The following CERK variants were observed in gnomAD, a reference collection of about 807,000 sequenced individuals.
The protein encoded by CERK is ceramide kinase.
CERK carries 39 observed loss-of-function variants against 63.4 expected under a neutral mutation model. The observed-to-expected ratio is 0.61, with a 90% CI of 0.48 to 0.80. The LOEUF is 0.80. Among genes scored for constraint, CERK ranks in the 30% least tolerant of loss-of-function variants. The pLI, the probability that CERK is intolerant of heterozygous loss-of-function variation, is 0.00. For synonymous variants in CERK, 302 were observed against 280.0 expected (o/e 1.08, Z -0.78); for missense variants, 670 against 714.1 (o/e 0.94, Z 0.70).
At position 46,699,387 on chromosome 22, in the gene CERK, T is replaced by C; in HGVS notation, c.869A>G (p.Tyr290Cys). The change falls in exon 8 of 13, where the codon TAC (tyrosine) becomes TGC (cysteine). Residue 290 changes from tyrosine to cysteine, a missense_variant. Coordinates refer to ENST00000216264, the MANE Select transcript of CERK (RefSeq NM_022766.6). ...LLRYSVSLLGYGFYGDIIKDS... is the reference protein window; with the variant it reads ...LLRYSVSLLGCGFYGDIIKDS... ...CTTGATGATGTCCCCGTAGAAGCCG[T>C]AGCCCAGCAGGGACACGGAGTAGCG... 6.2e-7 allele frequency: 1 copy of C among 1,614,090 alleles called. No individual in the cohort carries two copies. The highest frequency in any genetic ancestry group is 8.5e-7 in the Non-Finnish European group (1 of 1,179,944).
At chr22:46,732,902 TAAAATGTTCAA>T (rs1372028203) in intron 1 of CERK, among the ~76,000 whole-genome samples, 1 of 152,124 alleles carries the variant, frequency 6.6e-6, no homozygotes, top group Non-Finnish European at 1.5e-5. Context: ...TATGTAAGTT[TAAAATGTTCAA>T]AAAATGTTAA....
At position 46,687,038 on chromosome 22, in the gene CERK, T is replaced by C; in HGVS notation, c.*96A>G. On this transcript the variant is annotated 3_prime_UTR_variant, in exon 13 of 13. Transcript: ENST00000216264. ...AAGATTTAACTATCAAAAATAAATT[T>C]CTACATTTAAATGTATATATCAACA... The C allele has an allele frequency of 2.1e-6, 2 of 973,966 alleles. No homozygotes were observed. Among genetic ancestry groups the C allele is most frequent in the Admixed American group, 4.8e-5 (2 of 41,402 alleles). The allele number at this position is 973,966 out of a possible 1,614,324, so 60.3% of individuals were successfully genotyped here.
chr22:46,721,798 CA>C (rs2082894067), intron 1 of CERK, among the ~76,000 whole-genome samples: 1 of 152,146 alleles, frequency 6.6e-6, no homozygotes, highest in African/African-American at 2.4e-5. Flanking sequence ...GGGGAGGAGA[CA>C]GGGGAGACTT....
intron 8 of CERK, among the ~76,000 whole-genome samples, chr22:46,698,417 G>C (rs1240784859): frequency 1.3e-5 from 2 of 152,236 alleles, no homozygotes; most frequent in African/African-American, 2.4e-5. Context: ...CGTGCTGAGT[G>C]TATCTCACTT....
chr22:46,723,701 G>A (rs1427468688), intron 1 of CERK, among the ~76,000 whole-genome samples: 3 of 151,108 alleles, frequency 2.0e-5, no homozygotes, highest in South Asian at 2.1e-4. Context: ...CTAATGTGGG[G>A]TTTTCTTCTT....
intron 9 of CERK, among the ~76,000 whole-genome samples, chr22:46,694,517 C>T (rs1285868277): frequency 6.6e-6 from 1 of 152,064 alleles, no homozygotes; most frequent in African/African-American, 2.4e-5. Context: ...CACTCAGCCT[C>T]CCCTCCCCGG....
intron 6 of CERK, among the ~76,000 whole-genome samples, chr22:46,706,930 T>A (rs1215409849): frequency 6.6e-6 from 1 of 152,080 alleles, no homozygotes; most frequent in Non-Finnish European, 1.5e-5. Flanking sequence ...TGGCCCACAA[T>A]GTCACCTGTC....
intron 8 of CERK, among the ~76,000 whole-genome samples, chr22:46,698,064 C>A (rs1361927100): frequency 1.3e-5 from 2 of 152,194 alleles, no homozygotes; most frequent in Admixed American, 1.3e-4. Context: ...CTGGGGGGTC[C>A]CCGCAGCCTG....
chr22:46,725,058 G>T (rs898784130), intron 1 of CERK, among the ~76,000 whole-genome samples: 1 of 152,128 alleles, frequency 6.6e-6, no homozygotes, highest in African/African-American at 2.4e-5. Flanking sequence ...GCTCAAGATG[G>T]AGGCTCTGCC....
intron 6 of CERK, among the ~76,000 whole-genome samples, chr22:46,702,984 G>A (rs963081263): frequency 6.6e-6 from 1 of 152,140 alleles, no homozygotes; most frequent in Non-Finnish European, 1.5e-5. Context: ...TCCCGTTCAC[G>A]CGAGAAGGAC....
chr22:46,693,488 C>T lies in CERK; in HGVS notation c.1065G>A (p.Arg355=). 1 of 1,614,064 alleles carries T rather than the reference C, an allele frequency of 6.2e-7. No homozygotes were observed. ...KPCRAGCFVC[R]QSKQQLEEEQ... ...CCTCCTCCAGCTGCTGCTTGCTTTG[C>T]CTGCAAACAAAGCATCTGAAAGACA... is the stretch of plus-strand genomic sequence containing the variant. Residue 355 remains arginine, a synonymous_variant, in exon 10 of 13, where the codon AGG becomes AGA. Coordinates refer to ENST00000216264, the MANE Select transcript of CERK (RefSeq NM_022766.6).
chr22:46,692,904 C>CAAAAA (rs34255348), intron 10 of CERK, among the ~76,000 whole-genome samples: 13 of 92,830 alleles, frequency 1.4e-4, no homozygotes, highest in Non-Finnish European at 2.5e-4. Flanking sequence ...AAACTCCATC[C>CAAAAA]AAAAAAAAAA....
rs756780925 is a variant in CERK, at chr22:46,712,309, A to T, written c.380-16T>A. 7 of 1,610,768 alleles carry T rather than the reference A, an allele frequency of 4.3e-6. No individual in the cohort carries two copies. Among genetic ancestry groups the T allele is most frequent in the Non-Finnish European group, 5.9e-6 (7 of 1,178,504 alleles). Reference sequence around the variant, plus strand: ...GGTCTGGACGCTGTAAGACAACAACATGTAAATAACAACGAAAATAACAAA... The same window carrying T: ...GGTCTGGACGCTGTAAGACAACAACTTGTAAATAACAACGAAAATAACAAA... On this transcript the variant is annotated splice_polypyrimidine_tract_variant and intron_variant, in intron 3 of 12. Transcript: ENST00000216264.
At chr22:46,701,608 CGT>C (rs1413262645) in intron 7 of CERK, 26 bp downstream of exon 7, 3 of 1,544,420 alleles carry the variant, frequency 1.9e-6, no homozygotes, top group Non-Finnish European at 2.6e-6. Flanking sequence ...CGGCTGCCAC[CGT>C]GCGCATGCGC....
intron 10 of CERK, among the ~76,000 whole-genome samples, chr22:46,692,426 TAAA>T (rs553286743): frequency 0.024 from 2,262 of 93,058 alleles, 44 homozygotes; most frequent in African/African-American, 0.053. Flanking sequence ...AACTCTGTCT[TAAA>T]AAAAAAAAAA....
rs761073590 is a variant in CERK, at chr22:46,727,215, C to T, written c.143-6200G>A. On this transcript the variant is annotated intron_variant, in intron 1 of 12. Coordinates refer to ENST00000216264, the MANE Select transcript of CERK (RefSeq NM_022766.6). ...GGTACCTGCCAATCATAACTTACTG[C>T]TATTTCATGCCATAAAATGTGACCT... 1.6e-4 allele frequency among the ~76,000 whole-genome samples: 24 copies of T among 152,090 alleles called. 1 individual carries two copies. Among genetic ancestry groups the T allele is most frequent in the Non-Finnish European group, 2.2e-4 (15 of 68,034 alleles).
chr22:46,725,290 C>CG (rs1246700100), intron 1 of CERK, among the ~76,000 whole-genome samples: 11 of 151,704 alleles, frequency 7.3e-5, no homozygotes, highest in African/African-American at 9.7e-5. Flanking sequence ...CAGCTCCCTG[C>CG]GGGGGCTCAG....
chr22:46,717,505 G>A lies in CERK; in HGVS notation c.379+2581C>T, dbSNP rs74865035. Among the ~76,000 whole-genome samples the A allele has an allele frequency of 7.4e-3, 1,128 of 152,360 alleles. 15 individuals are homozygous for A. Among genetic ancestry groups the A allele is most frequent in the African/African-American group, 0.024 (993 of 41,596 alleles). On this transcript the variant is annotated intron_variant, in intron 3 of 12. Transcript: ENST00000216264. Reference sequence around the variant, plus strand: ...GTGGAAAATTTATGCAAGACTACTCGCCACCACGGTGGAAAACAGCGTGGA... The same window carrying A: ...GTGGAAAATTTATGCAAGACTACTCACCACCACGGTGGAAAACAGCGTGGA...
chr22:46,694,909 A>G (rs1204261242), intron 9 of CERK, among the ~76,000 whole-genome samples: 1 of 152,044 alleles, frequency 6.6e-6, no homozygotes, highest in Non-Finnish European at 1.5e-5. Flanking sequence ...GGTAAAGGGA[A>G]CCCCAGCAGG....
Sources: gnomAD v4.1 joint callset for allele counts (sites outside exome capture counted in the v4.1 genomes callset) on GRCh38, gnomAD v4.1.1 for gene constraint, MANE v1.5 for transcripts, NCBI Gene and HGNC (gene_info 2026-07-23, HGNC 2026-07-21) for gene names.